Variants in PCAT7 observed in about 807,000 individuals in gnomAD.
The protein encoded by PCAT7 is prostate cancer associated transcript 7 (non-protein coding).
chr9:94,566,200 C>A (rs1179898356), intron 2 of PCAT7, among the ~76,000 whole-genome samples: 1 of 152,196 alleles, frequency 6.6e-6, no homozygotes, highest in Non-Finnish European at 1.5e-5. Context: ...TGGGAACAGG[C>A]CCCCCAAAAC....
rs751644073 is a variant in PCAT7, at chr9:94,567,255, G to T, written n.442-5724G>T. 1.5e-5 allele frequency: 24 copies of T among 1,613,682 alleles called. No homozygotes were observed. In the South Asian group the frequency reaches 1.6e-4, roughly 11 times the overall value. On this transcript the variant is annotated intron_variant and non_coding_transcript_variant, in intron 2 of 8. Coordinates refer to ENST00000647389, the Ensembl canonical transcript of PCAT7. The stretch of plus-strand genomic sequence containing the variant: ...CAGCATTCTGTCTGCCACCCACCTG[G>T]CTTTCTTCACTCACCTCAGGGAATT...
chr9:94,564,108 C>T (rs1004118495), intron 2 of PCAT7, among the ~76,000 whole-genome samples: 6 of 152,106 alleles, frequency 3.9e-5, no homozygotes, highest in East Asian at 1.9e-4. Flanking sequence ...CTCAAGACCT[C>T]GAATCAACAC....
intron 2 of PCAT7, among the ~76,000 whole-genome samples, chr9:94,565,860 G>C (rs1011862320): frequency 1.3e-5 from 2 of 152,138 alleles, no homozygotes; most frequent in African/African-American, 4.8e-5. Flanking sequence ...TCGTAACTTG[G>C]GGGAGGAGAG....
At chr9:94,571,472 A>G in intron 2 of PCAT7, 1 of 1,612,172 alleles carries the variant, frequency 6.2e-7, no homozygotes, top group Non-Finnish European at 8.5e-7. Flanking sequence ...CGGGTCAAGC[A>G]TGAAGAGGTC....
At chr9:94,563,569 T>C in intron 2 of PCAT7, 1 of 1,209,862 alleles carries the variant, frequency 8.3e-7, no homozygotes, top group Non-Finnish European at 1.2e-6. Flanking sequence ...CTTGAATCCC[T>C]ATCCTCCACC....
At chr9:94,574,067 T>A (rs1254152736) in intron 3 of PCAT7, among the ~76,000 whole-genome samples, 1 of 152,220 alleles carries the variant, frequency 6.6e-6, no homozygotes, top group African/African-American at 2.4e-5. Context: ...TCATCTAAGT[T>A]GTCAAATGTA....
rs1263431898 is a variant in PCAT7, at chr9:94,571,568, A to G, written n.442-1411A>G. ...GGCCACAATATTGCGGCCACACTGC[A>G]GGGCATCCTTTTCAGAAGGCTCATC... On this transcript the variant is annotated intron_variant and non_coding_transcript_variant, in intron 2 of 8. Transcript: ENST00000647389. 1 of 1,613,796 alleles carries G rather than the reference A, an allele frequency of 6.2e-7. No individual in the cohort carries two copies. Among genetic ancestry groups the G allele is most frequent in the Admixed American group, 1.7e-5 (1 of 59,998 alleles).
chr9:94,564,183 C>A (rs954087949), intron 2 of PCAT7, among the ~76,000 whole-genome samples: 1 of 152,210 alleles, frequency 6.6e-6, no homozygotes, highest in African/African-American at 2.4e-5. Context: ...AATATACATT[C>A]TTCTCATCAC....
At chr9:94,558,958 TC>T in intron 1 of PCAT7, 1 of 1,614,118 alleles carries the variant, frequency 6.2e-7, no homozygotes, top group Non-Finnish European at 8.5e-7. Context: ...GCCTGATTTT[TC>T]TGCACACAGG....
chr9:94,562,116 C>A (rs1043737531), intron 2 of PCAT7, among the ~76,000 whole-genome samples: 1 of 151,892 alleles, frequency 6.6e-6, no homozygotes, highest in African/African-American at 2.4e-5. Flanking sequence ...TCGAGACCAT[C>A]CTGGCTAACA....
intron 1 of PCAT7, among the ~76,000 whole-genome samples, chr9:94,557,810 T>C (rs539501747): frequency 6.6e-6 from 1 of 152,356 alleles, no homozygotes; most frequent in East Asian, 1.9e-4. Context: ...CATGAATGTC[T>C]TTCTTAGCCT....
intron 2 of PCAT7, chr9:94,569,284 G>A (rs918927778): frequency 5.9e-5 from 9 of 152,266 alleles, no homozygotes; most frequent in Admixed American, 2.0e-4. Context: ...GCCATGTTGC[G>A]AGACCACTGC....
intron 1 of PCAT7, among the ~76,000 whole-genome samples, chr9:94,556,659 T>C (rs1827016879): frequency 6.6e-6 from 1 of 152,280 alleles, no homozygotes; most frequent in African/African-American, 2.4e-5. Flanking sequence ...TTCATTATAC[T>C]GATTGCTTCC....
chr9:94,560,845 C>T (rs575655321), intron 2 of PCAT7, among the ~76,000 whole-genome samples: 1 of 150,974 alleles, frequency 6.6e-6, no homozygotes, highest in South Asian at 2.1e-4. Flanking sequence ...GCTGGAGATC[C>T]AGGCATTCGA....
At chr9:94,567,272 C>T in intron 2 of PCAT7, 1 of 1,614,140 alleles carries the variant, frequency 6.2e-7, no homozygotes, top group Non-Finnish European at 8.5e-7. Context: ...TCACTCACCT[C>T]AGGGAATTTC....
intron 1 of PCAT7, among the ~76,000 whole-genome samples, chr9:94,556,896 T>C (rs1022022334): frequency 6.6e-5 from 10 of 152,206 alleles, no homozygotes; most frequent in Admixed American, 3.9e-4. Context: ...TTCTTGTACA[T>C]GTGGGTGTTG....
At chr9:94,556,412 G>A (rs974243355) in intron 1 of PCAT7, among the ~76,000 whole-genome samples, 10 of 151,642 alleles carry the variant, frequency 6.6e-5, no homozygotes, top group African/African-American at 1.9e-4. Context: ...AGAAAACGGT[G>A]AAAAAGTTTG....
Position 94,563,457 on chromosome 9 carries a change from C to T in PCAT7, n.441+4305C>T, listed in dbSNP as rs534129454. Reference sequence around the variant, plus strand: ...ATACCTGGCCCCATAGGGAGCACTGCCATCCTAGAAGACAGAAAGCGAAGA... The same window carrying T: ...ATACCTGGCCCCATAGGGAGCACTGTCATCCTAGAAGACAGAAAGCGAAGA... On this transcript the variant is annotated intron_variant and non_coding_transcript_variant, in intron 2 of 8. Transcript: ENST00000647389. 512 of 1,613,160 alleles carry T rather than the reference C, an allele frequency of 3.2e-4. 1 individual carries two copies. In the South Asian group the frequency reaches 5.4e-3, roughly 17 times the overall value.
At chr9:94,559,149 G>A in exon 2 of PCAT7, 1 of 1,603,942 alleles carries the variant, frequency 6.2e-7, no homozygotes, top group Non-Finnish European at 8.5e-7. Context: ...AGGAACAGAG[G>A]CAGGTGAGTA....
Sources: gnomAD v4.1 joint callset for allele counts (sites outside exome capture counted in the v4.1 genomes callset) on GRCh38, gnomAD v4.1.1 for gene constraint, MANE v1.5 for transcripts, NCBI Gene and HGNC (gene_info 2026-07-23, HGNC 2026-07-21) for gene names.